SPOCK1: variants seen among roughly 807,000 people sequenced by gnomAD.
The protein encoded by SPOCK1 is testican-1.
Under a neutral mutation model 55.3 loss-of-function variants are expected in SPOCK1, and 23 were observed. That is an observed-to-expected ratio of 0.42 (90% confidence interval 0.30 to 0.59). The LOEUF (loss-of-function observed/expected upper bound fraction) is 0.59, where lower values mean the gene tolerates loss of function less well. SPOCK1 is among the 20% of genes least tolerant of loss of function. The pLI, the probability that SPOCK1 is intolerant of heterozygous loss-of-function variation, is 0.22. For missense variants in SPOCK1, 499 were observed against 552.5 expected (o/e 0.90, Z 0.97); for synonymous variants, 226 against 221.0 (o/e 1.02, Z -0.20).
At chr5:137,235,238 AG>A (rs1756154552) in intron 3 of SPOCK1, among the ~76,000 whole-genome samples, 1 of 152,236 alleles carries the variant, frequency 6.6e-6, no homozygotes, top group Non-Finnish European at 1.5e-5. Context: ...GCCATGGCCA[AG>A]TCCTCTGACC....
intron 2 of SPOCK1, among the ~76,000 whole-genome samples, chr5:137,304,078 T>G (rs201405576): frequency 3.5e-3 from 218 of 62,902 alleles, no homozygotes; most frequent in African/African-American, 0.023. Context: ...TTTTTTTTTT[T>G]TTTTGGTTCT....
intron 4 of SPOCK1, among the ~76,000 whole-genome samples, chr5:137,124,088 A>G (rs17776168): frequency 0.23 from 34,986 of 152,118 alleles, 4,429 homozygotes; most frequent in Non-Finnish European, 0.28. Context: ...ACAGAGCCAT[A>G]AAGAACAACA....
intron 5 of SPOCK1, among the ~76,000 whole-genome samples, chr5:137,070,384 C>T (rs1408442668): frequency 6.6e-6 from 1 of 152,210 alleles, no homozygotes; most frequent in Non-Finnish European, 1.5e-5. Context: ...TCCTGCTAGA[C>T]CATGAAGGCC....
chr5:137,160,031 T>C (rs998032692), intron 3 of SPOCK1, among the ~76,000 whole-genome samples: 2 of 152,018 alleles, frequency 1.3e-5, no homozygotes, highest in Non-Finnish European at 2.9e-5. Context: ...AGTTCTTTAG[T>C]GGGGATTTGT....
At chr5:137,172,684 TAC>T (rs1482366251) in intron 3 of SPOCK1, among the ~76,000 whole-genome samples, 1 of 152,176 alleles carries the variant, frequency 6.6e-6, no homozygotes, top group Non-Finnish European at 1.5e-5. Flanking sequence ...TAGTCTTAAC[TAC>T]ACACTCCCAA....
chr5:137,323,048 A>C (rs1758006104), intron 2 of SPOCK1, among the ~76,000 whole-genome samples: 1 of 152,166 alleles, frequency 6.6e-6, no homozygotes. Flanking sequence ...CATTCACTCC[A>C]TTCTCATGGC....
intron 3 of SPOCK1, among the ~76,000 whole-genome samples, chr5:137,261,803 T>C (rs1432036714): frequency 1.3e-5 from 2 of 152,184 alleles, no homozygotes; most frequent in African/African-American, 2.4e-5. Flanking sequence ...CCATGCTAAA[T>C]CTCTCCAGCC....
chr5:137,400,616 G>A (rs1010058491), intron 2 of SPOCK1, among the ~76,000 whole-genome samples: 12 of 152,136 alleles, frequency 7.9e-5, no homozygotes, highest in African/African-American at 2.9e-4. Flanking sequence ...AGAACTCTCC[G>A]CCTAACTAGT....
chr5:137,018,093 C>A (rs898857708), intron 6 of SPOCK1, among the ~76,000 whole-genome samples: 4 of 152,212 alleles, frequency 2.6e-5, no homozygotes, highest in Non-Finnish European at 5.9e-5. Context: ...TGTGGAGACA[C>A]TTTTGTCCTT....
chr5:137,218,491 T>C (rs1029264092), intron 3 of SPOCK1, among the ~76,000 whole-genome samples: 1 of 152,240 alleles, frequency 6.6e-6, no homozygotes, highest in African/African-American at 2.4e-5. Flanking sequence ...TTTGTAAAGC[T>C]GAGAAATTAA....
Position 136,978,809 on chromosome 5 carries a change from C to A in SPOCK1, c.1165G>T (p.Gly389Cys). The stretch of plus-strand genomic sequence containing the variant: ...TCATCCAGCAGGACCACGGACCCAC[C>A]ACTGCCAAAATCCCCTGAGGTTTCC... ...EQETSGDFGS[G>C]GSVVLLDDLE... The change falls in exon 11 of 11, where the codon GGT becomes TGT. Residue 389 changes from glycine (G) to cysteine (C), a missense_variant. Gly to Cys is a radical substitution (Grantham distance 159). Transcript: ENST00000394945. The A allele has an allele frequency of 1.2e-6, 2 of 1,612,748 alleles. No homozygotes were observed. The highest frequency in any genetic ancestry group is 2.2e-5 in the East Asian group (1 of 44,874).
chr5:137,022,946 T>C (rs1751603246), intron 6 of SPOCK1, among the ~76,000 whole-genome samples: 1 of 152,170 alleles, frequency 6.6e-6, no homozygotes, highest in Non-Finnish European at 1.5e-5. Context: ...TTCTCTGAGT[T>C]TGCTCTTTCT....
intron 2 of SPOCK1, among the ~76,000 whole-genome samples, chr5:137,413,102 T>C (rs1028794130): frequency 6.6e-6 from 1 of 152,218 alleles, no homozygotes; most frequent in Non-Finnish European, 1.5e-5. Flanking sequence ...TATTTAGTTC[T>C]CTATGAGGTA....
intron 2 of SPOCK1, among the ~76,000 whole-genome samples, chr5:137,492,421 C>A (rs929233888): frequency 6.6e-6 from 1 of 152,174 alleles, no homozygotes; most frequent in Non-Finnish European, 1.5e-5. Flanking sequence ...AGCAGGGAGA[C>A]AGAATGAGAC....
chr5:137,130,768 T>C (rs1448004288), intron 4 of SPOCK1, among the ~76,000 whole-genome samples: 1 of 152,212 alleles, frequency 6.6e-6, no homozygotes, highest in African/African-American at 2.4e-5. Context: ...TGTGGACGCA[T>C]CATGGACAAG....
intron 6 of SPOCK1, among the ~76,000 whole-genome samples, chr5:136,994,182 G>T (rs918697076): frequency 6.6e-6 from 1 of 152,176 alleles, no homozygotes; most frequent in Non-Finnish European, 1.5e-5. Context: ...GCAAAGCATG[G>T]AATGAATGCA....
In SPOCK1 at chr5:137,498,589, G is replaced by T. The variant is rs770922910; in HGVS notation, c.1-31C>A. 4 of 1,377,356 alleles carry T rather than the reference G, an allele frequency of 2.9e-6. No homozygotes were observed. In the South Asian group the frequency reaches 6.8e-5, roughly 23 times the overall value. 85.3% of individuals were successfully genotyped at this position (1,377,356 alleles called of 1,614,324 possible). On this transcript the variant is annotated intron_variant, in intron 1 of 10. Coordinates refer to ENST00000394945, the MANE Select transcript of SPOCK1 (RefSeq NM_004598.4). ...GGGCAGGGCGCGCAGGGCGATGAGC[G>T]AAGAGGGCGGGCGGCCGCGAGCCCC...
At chr5:136,982,509 T>C (rs936106057) in intron 9 of SPOCK1, among the ~76,000 whole-genome samples, 2 of 152,212 alleles carry the variant, frequency 1.3e-5, no homozygotes, top group Admixed American at 6.5e-5. Flanking sequence ...CTTTTTTCCA[T>C]AGGTTTAAAA....
At chr5:137,100,193 T>C (rs1447728028) in intron 5 of SPOCK1, among the ~76,000 whole-genome samples, 2 of 152,186 alleles carry the variant, frequency 1.3e-5, no homozygotes, top group African/African-American at 4.8e-5. Context: ...ACTGAGGAGA[T>C]GGTGCTTATG....
Sources: allele counts gnomAD v4.1 joint callset (sites outside exome capture counted in the v4.1 genomes callset), GRCh38; gene constraint gnomAD v4.1.1; transcripts MANE v1.5; gene names NCBI Gene and HGNC (gene_info 2026-07-23, HGNC 2026-07-21).